DIS3L2: variants seen among roughly 807,000 people sequenced by gnomAD.
The protein encoded by DIS3L2 is DIS3 like 3'-5' exoribonuclease 2, also known as DIS3-like exonuclease 2.
In DIS3L2, 34 loss-of-function variants were observed where a neutral mutation model predicts 97.5. The observed-to-expected ratio is 0.35, with a 90% CI of 0.27 to 0.46. DIS3L2 has a LOEUF of 0.46. Ranked by LOEUF, DIS3L2 falls within the 20% of genes least tolerant of loss-of-function variation. The pLI is 1.00. For missense variants in DIS3L2, 1,038 were observed against 1,146.0 expected, an observed-to-expected ratio of 0.91 and a Z score of 1.36; for synonymous variants, 435 against 445.2, an observed-to-expected ratio of 0.98 and a Z score of 0.29.
At chr2:232,213,749 G>T (rs7602768) in intron 10 of DIS3L2, among the ~76,000 whole-genome samples, 16,057 of 141,160 alleles carry the variant, frequency 0.11, 1,068 homozygotes, top group African/African-American at 0.2. Flanking sequence ...TCTGTGAAAA[G>T]CAGACAAATA....
chr2:232,292,177 G>A lies in DIS3L2; in HGVS notation c.1660-7863G>A, dbSNP rs1014157127. Among the ~76,000 whole-genome samples, 1 of 152,100 alleles carries A rather than the reference G, an allele frequency of 6.6e-6. No individual in the cohort carries two copies. Among genetic ancestry groups the A allele is most frequent in the South Asian group, 2.1e-4 (1 of 4,820 alleles). ...CTGGCCCACTGTCTTCACCAGGCTG[G>A]GATCCAAAATAAGGTCACATATCTT... On this transcript the variant is annotated intron_variant, in intron 13 of 20. Transcript: ENST00000325385. The surrounding 1 kb of genome is among the most constrained non-coding windows in gnomAD (Gnocchi z 4.4).
intron 14 of DIS3L2, among the ~76,000 whole-genome samples, chr2:232,318,620 C>A (rs910133829): frequency 1.3e-5 from 2 of 152,172 alleles, no homozygotes; most frequent in Admixed American, 6.5e-5. Context: ...GGAAGGCCAG[C>A]GCGGCAGGGT....
At chr2:232,308,345 T>G (rs575326293) in intron 14 of DIS3L2, among the ~76,000 whole-genome samples, 3 of 152,296 alleles carry the variant, frequency 2.0e-5, no homozygotes, top group Admixed American at 2.0e-4. Flanking sequence ...TGCTGGCAGA[T>G]CCGTTGTCCC....
Position 232,329,858 on chromosome 2 carries a change from C to T in DIS3L2, c.1785C>T (p.His595=). 1.2e-6 allele frequency: 2 copies of T among 1,606,730 alleles called. No individual in the cohort carries two copies. Among genetic ancestry groups the T allele is most frequent in the South Asian group, 1.1e-5 (1 of 90,056 alleles). ...FMLLANMAVA[H]KIHRAFPEQA... is the part of the protein sequence containing the mutation. ...TCTTGGCCAACATGGCAGTGGCCCA[C>T]AAGATCCACCGCGCCTTCCCCGAGC... The change falls in exon 15 of 21, where the codon CAC becomes CAT. Residue 595 remains histidine (H), a synonymous_variant. Coordinates refer to ENST00000325385, the MANE Select transcript of DIS3L2 (RefSeq NM_152383.5).
In DIS3L2 at chr2:232,043,971, T is replaced by G. The variant is rs541193977; in HGVS notation, c.366+13891T>G. 7.9e-4 allele frequency among the ~76,000 whole-genome samples: 120 copies of G among 152,290 alleles called. 1 individual carries two copies. Among genetic ancestry groups the G allele is most frequent in the African/African-American group, 2.6e-3 (109 of 41,566 alleles). ...ATAGCTGTCTTATGAATTTAGGCAG[T>G]ATTATGTACAAAGGCATTGGAGACT... On this transcript the variant is annotated intron_variant, in intron 5 of 20. Coordinates refer to ENST00000325385, the MANE Select transcript of DIS3L2 (RefSeq NM_152383.5).
chr2:232,187,252 A>G (rs1267595535), intron 9 of DIS3L2, among the ~76,000 whole-genome samples: 1 of 152,218 alleles, frequency 6.6e-6, no homozygotes, highest in Admixed American at 6.5e-5. Flanking sequence ...AAAAATACAG[A>G]TAACAAGTGT....
At chr2:232,253,842 G>T (rs1693482022) in intron 12 of DIS3L2, among the ~76,000 whole-genome samples, 1 of 152,106 alleles carries the variant, frequency 6.6e-6, no homozygotes, top group African/African-American at 2.4e-5. Flanking sequence ...TAACAGAGAG[G>T]GATGGGGGCT....
intron 12 of DIS3L2, among the ~76,000 whole-genome samples, chr2:232,250,696 C>T (rs1273028704): frequency 6.6e-6 from 1 of 152,122 alleles, no homozygotes; most frequent in African/African-American, 2.4e-5. Flanking sequence ...GGTGTCTGAA[C>T]TAGAGGACAT....
downstream of DIS3L2, among the ~76,000 whole-genome samples, chr2:232,339,541 A>T (rs1396569785): frequency 6.6e-6 from 1 of 152,210 alleles, no homozygotes; most frequent in Non-Finnish European, 1.5e-5. Context: ...AGGACAGTGC[A>T]GCAAGGAGGC....
intron 9 of DIS3L2, among the ~76,000 whole-genome samples, chr2:232,204,927 A>G (rs1011106343): frequency 1.3e-5 from 2 of 152,132 alleles, no homozygotes; most frequent in African/African-American, 4.8e-5. Context: ...ACTGGCTCTC[A>G]GCACTGAGGA....
At chr2:232,094,981 T>G (rs1479381530) in intron 6 of DIS3L2, among the ~76,000 whole-genome samples, 1 of 152,166 alleles carries the variant, frequency 6.6e-6, no homozygotes, top group Non-Finnish European at 1.5e-5. Flanking sequence ...CTTCTCCCCT[T>G]TTTTGGTTTC....
chr2:232,142,471 ATAT>A (rs1179666364), intron 8 of DIS3L2, among the ~76,000 whole-genome samples: 2 of 152,152 alleles, frequency 1.3e-5, no homozygotes, highest in African/African-American at 4.8e-5. Flanking sequence ...CTTCTTGAAA[ATAT>A]TATGATGTTA....
At chr2:231,994,276 A>T (rs981277354) in intron 1 of DIS3L2, among the ~76,000 whole-genome samples, 28 of 151,900 alleles carry the variant, frequency 1.8e-4, no homozygotes, top group Non-Finnish European at 5.9e-5. Context: ...CACAGTCTTA[A>T]TTGCTATAGC....
At chr2:232,343,341 C>G (rs770470476) in intron 13 of DIS3L2, 1 of 1,555,658 alleles carries the variant, frequency 6.4e-7, no homozygotes, top group South Asian at 1.2e-5. Flanking sequence ...GGAAAAGGGC[C>G]CAGCAGAACG....
intron 6 of DIS3L2, among the ~76,000 whole-genome samples, chr2:232,115,761 G>A (rs1035928670): frequency 6.6e-6 from 1 of 152,308 alleles, no homozygotes; most frequent in African/African-American, 2.4e-5. Flanking sequence ...CTTCCACTGT[G>A]ATTGTAAGTT....
At chr2:232,217,577 C>T (rs1216374522) in intron 10 of DIS3L2, among the ~76,000 whole-genome samples, 1 of 152,172 alleles carries the variant, frequency 6.6e-6, no homozygotes, top group Non-Finnish European at 1.5e-5. Flanking sequence ...TCTGACTGAC[C>T]AGCTATAAGT....
chr2:232,097,252 T>G (rs530727749), intron 6 of DIS3L2, among the ~76,000 whole-genome samples: 3 of 152,276 alleles, frequency 2.0e-5, no homozygotes, highest in Non-Finnish European at 4.4e-5. Flanking sequence ...TTCCCTTACT[T>G]TCTCCTAAAC....
chr2:232,092,508 A>C (rs1206185215), intron 6 of DIS3L2, among the ~76,000 whole-genome samples: 1 of 152,130 alleles, frequency 6.6e-6, no homozygotes, highest in Non-Finnish European at 1.5e-5. Context: ...ACATTTTAAC[A>C]ATATTGATTC....
Position 232,210,411 on chromosome 2 carries a change from A to G in DIS3L2, c.1204+6A>G, listed in dbSNP as rs1225197358. ...CTGCAAGCCACTCGCTGACGGTAGGATGGAAATTTCTATAGCATCTTGGGT... is the reference window on the plus strand; with the variant it reads ...CTGCAAGCCACTCGCTGACGGTAGGGTGGAAATTTCTATAGCATCTTGGGT... On this transcript the variant is annotated splice_donor_region_variant and intron_variant, in intron 10 of 20. Transcript: ENST00000325385. 1.2e-6 allele frequency: 2 copies of G among 1,612,488 alleles called. No individual in the cohort carries two copies. The highest frequency in any genetic ancestry group is 2.7e-5 in the African/African-American group (2 of 74,898).
Sources: gnomAD v4.1 joint callset for allele counts (sites outside exome capture counted in the v4.1 genomes callset) on GRCh38, gnomAD v4.1.1 for gene constraint, Gnocchi (gnomAD v3.1) non-coding constraint, MANE v1.5 for transcripts, NCBI Gene and HGNC (gene_info 2026-07-23, HGNC 2026-07-21) for gene names.